Variants in USP25 observed in about 807,000 individuals in gnomAD.
USP25 encodes the protein ubiquitin carboxyl-terminal hydrolase 25.
USP25 carries 85 observed loss-of-function variants against 158.5 expected under a neutral mutation model. The observed-to-expected ratio is 0.54, with a 90% CI of 0.45 to 0.64. The LOEUF is 0.64. Among genes scored for constraint, USP25 ranks in the 30% least tolerant of loss-of-function variants. The pLI is 0.00. For missense variants in USP25, 1,242 were observed against 1,327.3 expected (o/e 0.94, Z 1.00); for synonymous variants, 464 against 460.4 (o/e 1.01, Z -0.10).
intron 1 of USP25, among the ~76,000 whole-genome samples, chr21:15,748,786 G>C (rs1600799803): frequency 6.6e-6 from 1 of 152,122 alleles, no homozygotes; most frequent in African/African-American, 2.4e-5. Context: ...TTGACAGATG[G>C]CAGTGTTTTG....
chr21:15,818,858 A>G lies in USP25; in HGVS notation c.1080+12A>G, dbSNP rs1208934735. 1 of 1,612,886 alleles carries G rather than the reference A, an allele frequency of 6.2e-7. No homozygotes were observed. Among genetic ancestry groups the G allele is most frequent in the Non-Finnish European group, 8.5e-7 (1 of 1,179,308 alleles). On this transcript the variant is annotated intron_variant, in intron 10 of 25. Coordinates refer to ENST00000400183, the MANE Select transcript of USP25 (RefSeq NM_001283041.3). ...AATCAGGCCAAGAGGTGAGTTTAACATTTTCATTGTCCCCTTTCTTCCCTA... is the reference window on the plus strand; with the variant it reads ...AATCAGGCCAAGAGGTGAGTTTAACGTTTTCATTGTCCCCTTTCTTCCCTA...
chr21:15,831,075 T>G (rs2037775434), intron 15 of USP25, among the ~76,000 whole-genome samples: 1 of 152,180 alleles, frequency 6.6e-6, no homozygotes, highest in East Asian at 1.9e-4. Flanking sequence ...ACACATTTGC[T>G]ATATGTAAAA....
chr21:15,789,358 TC>T (rs1462275352), intron 4 of USP25, among the ~76,000 whole-genome samples: 6 of 152,098 alleles, frequency 3.9e-5, no homozygotes, highest in Admixed American at 2.6e-4. Context: ...TGTGCAGAAA[TC>T]AGATGTCCTC....
chr21:15,760,516 T>TA (rs1253839774), intron 1 of USP25, among the ~76,000 whole-genome samples: 1 of 152,240 alleles, frequency 6.6e-6, no homozygotes, highest in Non-Finnish European at 1.5e-5. Flanking sequence ...TTCTATCTAA[T>TA]ACATATGATT....
chr21:15,877,839 A>T lies in USP25; in HGVS notation c.3053A>T (p.Asp1018Val). ...QAAELFESGEDREVNNGLIIM... is the reference protein window; with the variant it reads ...QAAELFESGEVREVNNGLIIM... ...GCAGAACTCTTCGAATCTGGAGAGG[A>T]TCGAGAAGTAAACAATGGTTTGATT... The change falls in exon 25 of 26, where the codon GAT becomes GTT. Residue 1018 changes from aspartate (D) to valine (V), a missense_variant. By Grantham distance (152) the Asp-to-Val change is radical. This residue lies in a region of USP25 where 608 missense variants were observed against 605.2 expected (regional missense o/e 1.00). Transcript: ENST00000400183. 1 of 1,613,054 alleles carries T rather than the reference A, an allele frequency of 6.2e-7. No homozygotes were observed.
chr21:15,859,871 A>G (rs1468991995), intron 20 of USP25, among the ~76,000 whole-genome samples: 2 of 150,792 alleles, frequency 1.3e-5, no homozygotes, highest in African/African-American at 4.9e-5. Flanking sequence ...AAAGCCTTTG[A>G]CTATCAAATT....
At position 15,856,416 on chromosome 21, in the gene USP25, C is replaced by T. The variant is rs148619664; in HGVS notation, c.2547+6544C>T. Among the ~76,000 whole-genome samples the T allele has an allele frequency of 3.9e-5, 6 of 152,242 alleles. No individual in the cohort carries two copies. The East Asian group carries it at 7.7e-4, about 20-fold the overall frequency. ...GAGATAGATGAGACTGGCTTACATT[C>T]AGGCATTCATCCTGTATTTATAATT... On this transcript the variant is annotated intron_variant, in intron 20 of 25. Transcript: ENST00000400183.
chr21:15,824,459 A>C (rs1459809466), intron 11 of USP25, among the ~76,000 whole-genome samples: 1 of 152,128 alleles, frequency 6.6e-6, no homozygotes, highest in Non-Finnish European at 1.5e-5. Context: ...TTTTGAATGA[A>C]TTGATGCTTT....
At chr21:15,793,256 T>G (rs536860090) in intron 5 of USP25, among the ~76,000 whole-genome samples, 1 of 151,686 alleles carries the variant, frequency 6.6e-6, no homozygotes, top group East Asian at 1.9e-4. Context: ...GTTAGAATAG[T>G]TGCTTTTTAT....
intron 4 of USP25, among the ~76,000 whole-genome samples, chr21:15,787,899 C>G (rs576738358): frequency 1.6e-5 from 2 of 125,870 alleles, no homozygotes; most frequent in East Asian, 4.5e-4. Flanking sequence ...ATAACACCCC[C>G]TCACCCCCCC....
chr21:15,811,040 G>T, intron 8 of USP25, 97 bp from the exon 9 acceptor site: 1 of 1,037,392 alleles, frequency 9.6e-7, no homozygotes, highest in African/African-American at 1.6e-5. Flanking sequence ...AGCCACATAA[G>T]TGTTTTTGTC....
intron 17 of USP25, among the ~76,000 whole-genome samples, chr21:15,833,889 A>G (rs1207003624): frequency 6.6e-6 from 1 of 151,988 alleles, no homozygotes; most frequent in East Asian, 1.9e-4. Flanking sequence ...AGCTATCAAG[A>G]GTATCAATTC....
intron 9 of USP25, among the ~76,000 whole-genome samples, chr21:15,812,859 T>G (rs560415270): frequency 6.6e-6 from 1 of 152,186 alleles, no homozygotes; most frequent in Non-Finnish European, 1.5e-5. Context: ...TTCAAACCAA[T>G]GGTTCTTCAT....
rs556532595 is a variant in USP25 at position 15,760,194 on chromosome 21, GT to G, written c.46-2695del. The stretch of plus-strand genomic sequence containing the variant: ...CAGCTATGAGTGGCCATGCAACTGT[GT>G]TGTGCTTTGTGAGGCTTTTGTAAGT... On this transcript the variant is annotated intron_variant, in intron 1 of 25. Transcript: ENST00000400183. Among the ~76,000 whole-genome samples, 7 of 152,326 alleles carry G rather than the reference GT, an allele frequency of 4.6e-5. No individual in the cohort carries two copies. In the South Asian group the frequency reaches 1.4e-3, roughly 32 times the overall value.
chr21:15,863,769 G>A (rs2039532813), intron 20 of USP25, among the ~76,000 whole-genome samples: 1 of 152,208 alleles, frequency 6.6e-6, no homozygotes, highest in Non-Finnish European at 1.5e-5. Flanking sequence ...CAGGCACGTG[G>A]CTCACGCCTG....
intron 6 of USP25, among the ~76,000 whole-genome samples, chr21:15,801,444 A>G (rs958043288): frequency 6.6e-6 from 1 of 151,520 alleles, no homozygotes; most frequent in Non-Finnish European, 1.5e-5. Context: ...TCTCACTTCC[A>G]TTCTGAGACA....
chr21:15,745,441 T>A (rs1369685759), intron 1 of USP25, among the ~76,000 whole-genome samples: 2 of 151,700 alleles, frequency 1.3e-5, no homozygotes, highest in East Asian at 3.8e-4. Flanking sequence ...TTATGGTTAG[T>A]ACTTTAACCA....
At chr21:15,739,153 T>A (rs1179314596) in intron 1 of USP25, among the ~76,000 whole-genome samples, 1 of 151,122 alleles carries the variant, frequency 6.6e-6, no homozygotes, top group Non-Finnish European at 1.5e-5. Context: ...AAGTTTTATG[T>A]ATAATTTCAG....
chr21:15,788,759 A>G (rs2035433802), intron 4 of USP25, among the ~76,000 whole-genome samples: 1 of 152,052 alleles, frequency 6.6e-6, no homozygotes, highest in Admixed American at 6.6e-5. Flanking sequence ...GTGTATTGTG[A>G]TAAACCCATT....
Sources: allele counts gnomAD v4.1 joint callset (sites outside exome capture counted in the v4.1 genomes callset), GRCh38; gene constraint gnomAD v4.1.1; regional missense constraint gnomAD v4.1.1; transcripts MANE v1.5; gene names NCBI Gene and HGNC (gene_info 2026-07-23, HGNC 2026-07-21).